LARP1B: variants seen among roughly 807,000 people sequenced by gnomAD.
LARP1B encodes the protein la-related protein 1B.
In LARP1B, 76 loss-of-function variants were observed where a neutral mutation model predicts 114.2. The ratio of observed to expected loss-of-function variants is 0.67; its 90% CI spans 0.55 to 0.81. The LOEUF is 0.81. Ranked by LOEUF, LARP1B falls within the 30% of genes least tolerant of loss-of-function variation. The probability of loss-of-function intolerance (pLI) is 0.00; values close to 1 mark genes in which losing one functional copy is unlikely to be tolerated. For missense variants in LARP1B, 1,014 were observed against 1,075.8 expected (o/e 0.94, Z 0.80); for synonymous variants, 345 against 348.0 (o/e 0.99, Z 0.10).
intron 4 of LARP1B, among the ~76,000 whole-genome samples, chr4:128,078,193 T>TAG (rs1768762736): frequency 6.6e-6 from 1 of 152,214 alleles, no homozygotes; most frequent in Non-Finnish European, 1.5e-5. Context: ...GAGTTCCACT[T>TAG]AGAGGTACAG....
chr4:128,116,639 T>C lies in LARP1B; in HGVS notation c.1161+1897T>C, dbSNP rs115379088. Among the ~76,000 whole-genome samples, 1,280 of 152,276 alleles carry C rather than the reference T, an allele frequency of 8.4e-3. 6 individuals carry two copies. The highest frequency in any genetic ancestry group is 0.015 in the Non-Finnish European group (1,012 of 68,012). ...TGTATGGTATTCTGATGCTACAGACTGAGGATCTGGCCTGGAGGAAACATG... is the reference window on the plus strand; with the variant it reads ...TGTATGGTATTCTGATGCTACAGACCGAGGATCTGGCCTGGAGGAAACATG... On this transcript the variant is annotated intron_variant, in intron 10 of 19. Coordinates refer to ENST00000326639, the MANE Select transcript of LARP1B (RefSeq NM_018078.4).
At position 128,178,501 on chromosome 4, in the gene LARP1B, G is replaced by A. The variant is rs763434674; in HGVS notation, c.1755G>A (p.Ser585=). ...TAACTTCAGCAGCAATGGTTCATTC[G>A]TTGCCTACAGCAGTTCCAGAATCTC... The part of the protein sequence containing the change: ...SEITSAAMVH[S]LPTAVPESPR... Residue 585 remains serine (S), a synonymous_variant, in exon 14 of 20, where the codon TCG becomes TCA. Coordinates refer to ENST00000326639, the MANE Select transcript of LARP1B (RefSeq NM_018078.4). 6.1e-5 allele frequency: 98 copies of A among 1,613,752 alleles called. No homozygotes were observed. In the Admixed American group the frequency reaches 1.5e-3, roughly 24 times the overall value.
chr4:128,108,777 A>T, intron 9 of LARP1B: 1 of 985,276 alleles, frequency 1.0e-6, no homozygotes, highest in Non-Finnish European at 1.2e-6. Context: ...TTCACAAGGC[A>T]TTGGGTAAGT....
At position 128,210,264 on chromosome 4, in the gene LARP1B, C is replaced by A; in HGVS notation, c.*211C>A. ...CAAGATAAATTCTAAAAATGTTTTC[C>A]CTGATTTCACAAACAAGGATAGTCT... On this transcript the variant is annotated 3_prime_UTR_variant, in exon 20 of 20. Transcript: ENST00000326639. The A allele has an allele frequency of 7.3e-7, 1 of 1,378,800 alleles. No homozygotes were observed. The highest frequency in any genetic ancestry group is 9.4e-7 in the Non-Finnish European group (1 of 1,068,790). 85.4% of individuals were successfully genotyped at this position (1,378,800 alleles called of 1,614,324 possible).
chr4:128,134,952 A>G (rs1792795903), intron 11 of LARP1B, among the ~76,000 whole-genome samples: 1 of 152,024 alleles, frequency 6.6e-6, no homozygotes, highest in African/African-American at 2.4e-5. Flanking sequence ...TAAAAATACA[A>G]AAAATTAGGG....
In LARP1B at chr4:128,211,840, A is replaced by C. The variant is rs1169428865; in HGVS notation, c.*1787A>C. 1 of 704,716 alleles carries C rather than the reference A, an allele frequency of 1.4e-6. No homozygotes were observed. The highest frequency in any genetic ancestry group is 1.7e-6 in the Non-Finnish European group (1 of 573,968). 43.7% of individuals were successfully genotyped at this position (704,716 alleles called of 1,614,324 possible). A position where few individuals can be genotyped will look rare whatever the true frequency, so the allele number is the denominator to read the frequency against. On this transcript the variant is annotated 3_prime_UTR_variant, in exon 20 of 20. Transcript: ENST00000326639. ...ATTGGAAAATTGTATATTATAAATG[A>C]AAATACAATAATCAGGAGTTTTGTG...
chr4:128,210,872 AAATT>A lies in LARP1B; in HGVS notation c.*826_*829del, dbSNP rs1758860849. The A allele has an allele frequency of 1.0e-6, 1 of 984,210 alleles. No individual in the cohort carries two copies. The highest frequency in any genetic ancestry group is 6.1e-5 in the Admixed American group (1 of 16,262). 61.0% of individuals were successfully genotyped at this position (984,210 alleles called of 1,614,324 possible). On this transcript the variant is annotated 3_prime_UTR_variant, in exon 20 of 20. Coordinates refer to ENST00000326639, the MANE Select transcript of LARP1B (RefSeq NM_018078.4). ...TTGGGATTGATTGGAATATTGTCCT[AAATT>A]AATTAAATCTTGCACTGTTTTGAAT...
chr4:128,142,697 G>A (rs1030943142), intron 11 of LARP1B, among the ~76,000 whole-genome samples: 15 of 151,796 alleles, frequency 9.9e-5, no homozygotes, highest in Non-Finnish European at 1.0e-4. Context: ...TAGTAGAGAC[G>A]GGGTTTCTCC....
chr4:128,216,717 A>C (rs1267128299), downstream of LARP1B, among the ~76,000 whole-genome samples: 1 of 151,548 alleles, frequency 6.6e-6, no homozygotes, highest in Non-Finnish European at 1.5e-5. Context: ...TGACACCCTA[A>C]CATCACAATT....
At chr4:128,173,128 T>C (rs1027837694) in intron 12 of LARP1B, among the ~76,000 whole-genome samples, 2 of 152,148 alleles carry the variant, frequency 1.3e-5, no homozygotes, top group South Asian at 2.1e-4. Flanking sequence ...GTTTTTTTGC[T>C]AGCAAAGTGT....
At chr4:128,093,113 T>C (rs1293158596) in intron 7 of LARP1B, 1 of 893,022 alleles carries the variant, frequency 1.1e-6, no homozygotes, top group Non-Finnish European at 1.3e-6. Context: ...GTTGTTGTTC[T>C]AGCAGTAGGG....
intron 17 of LARP1B, among the ~76,000 whole-genome samples, chr4:128,205,158 T>C (rs996500694): frequency 1.3e-5 from 2 of 152,228 alleles, no homozygotes; most frequent in Non-Finnish European, 2.9e-5. Context: ...CCTGCATTTC[T>C]CTTGTTGGCT....
chr4:128,159,076 G>A (rs1337357966), intron 11 of LARP1B, among the ~76,000 whole-genome samples: 2 of 151,728 alleles, frequency 1.3e-5, no homozygotes, highest in East Asian at 1.9e-4. Flanking sequence ...TACAGGTTGA[G>A]GTGGGAAGAT....
intron 11 of LARP1B, chr4:128,155,584 A>G: frequency 1.1e-6 from 1 of 888,780 alleles, no homozygotes; most frequent in Non-Finnish European, 1.9e-6. Context: ...CAGTTGCCCC[A>G]GGCCTCTGAC....
At chr4:128,108,003 G>T (rs879244720) in intron 9 of LARP1B, 1 of 1,527,674 alleles carries the variant, frequency 6.5e-7, no homozygotes, top group East Asian at 2.5e-5. Context: ...AAATGAAAGC[G>T]ATCAGACTGT....
intron 7 of LARP1B, among the ~76,000 whole-genome samples, chr4:128,097,871 C>A (rs1287793227): frequency 6.6e-6 from 1 of 151,796 alleles, no homozygotes; most frequent in Non-Finnish European, 1.5e-5. Flanking sequence ...CTAATTAACT[C>A]ATTAAAAAAA....
chr4:128,207,407 A>G (rs763350197), intron 19 of LARP1B, 24 bp downstream of exon 19: 1 of 1,415,472 alleles, frequency 7.1e-7, no homozygotes, highest in Admixed American at 2.6e-5. Flanking sequence ...CATTTCCTCT[A>G]TTCTTTTTAT....
chr4:128,120,803 A>ATTTT (rs56253884), intron 10 of LARP1B, among the ~76,000 whole-genome samples: 5 of 128,994 alleles, frequency 3.9e-5, no homozygotes, highest in African/African-American at 9.2e-5. Flanking sequence ...GGGGTAGACA[A>ATTTT]TTTTTTTTTT....
At chr4:128,196,917 AT>A (rs1754354309) in intron 15 of LARP1B, among the ~76,000 whole-genome samples, 1 of 152,218 alleles carries the variant, frequency 6.6e-6, no homozygotes, top group African/African-American at 2.4e-5. Flanking sequence ...CTTTGAAAAC[AT>A]TATGCTTAAT....
Sources: allele counts gnomAD v4.1 joint callset (sites outside exome capture counted in the v4.1 genomes callset), GRCh38; gene constraint gnomAD v4.1.1; transcripts MANE v1.5; gene names NCBI Gene and HGNC (gene_info 2026-07-23, HGNC 2026-07-21).